Variants in PLAT observed in about 807,000 individuals in gnomAD.
PLAT encodes plasminogen activator, tissue type.
A neutral mutation model predicts 74.9 loss-of-function variants in PLAT; 48 were observed. The ratio of observed to expected loss-of-function variants is 0.64; its 90% CI spans 0.51 to 0.82. PLAT has a LOEUF of 0.82. Among genes scored for constraint, PLAT ranks in the 40% least tolerant of loss-of-function variants. PLAT has a pLI of 0.00. For missense variants in PLAT, 673 were observed against 736.2 expected (o/e 0.91, Z 0.99); for synonymous variants, 307 against 294.4 (o/e 1.04, Z -0.44).
chr8:42,174,719 A>G lies in PLAT; in HGVS notation c.*1274T>C, dbSNP rs192313560. Among the ~76,000 whole-genome samples, 234 of 152,198 alleles carry G rather than the reference A, an allele frequency of 1.5e-3. 1 individual carries two copies. Among genetic ancestry groups the G allele is most frequent in the Non-Finnish European group, 2.0e-3 (139 of 68,014 alleles). ...ATCTCCATGGCTCCTCGTTGCCTAC[A>G]GAAGTCAATTAAGTCCAAACTCAGT... On this transcript the variant is annotated 3_prime_UTR_variant, in exon 14 of 14. Transcript: ENST00000220809.
chr8:42,193,962 C>T (rs1429888534), intron 1 of PLAT, among the ~76,000 whole-genome samples: 1 of 151,332 alleles, frequency 6.6e-6, no homozygotes, highest in Non-Finnish European at 1.5e-5. Context: ...GATCCGCTCG[C>T]CTTGGCCTCC....
intron 13 of PLAT, among the ~76,000 whole-genome samples, chr8:42,177,433 CTATT>C (rs1805016606): frequency 6.6e-6 from 1 of 152,160 alleles, no homozygotes; most frequent in African/African-American, 2.4e-5. Flanking sequence ...TAGGCTGTAT[CTATT>C]CTGGTAAAGT....
Position 42,187,526 on chromosome 8 carries a change from G to T in PLAT, c.411C>A (p.Gly137=). ...CYEDQGISYR[G]TWSTAESGAE... ...CGCCACTCTCCGCTGTGCTCCACGT[G>T]CCCCTGTAGCTGATGCCCTGGTCCT... Residue 137 remains glycine (G), a synonymous_variant, in exon 6 of 14, where the codon GGC becomes GGA. Coordinates refer to ENST00000220809, the MANE Select transcript of PLAT (RefSeq NM_000930.5). The T allele has an allele frequency of 6.2e-7, 1 of 1,610,254 alleles. No individual in the cohort carries two copies. Among genetic ancestry groups the T allele is most frequent in the Non-Finnish European group, 8.5e-7 (1 of 1,178,324 alleles).
intron 1 of PLAT, among the ~76,000 whole-genome samples, chr8:42,194,183 T>C (rs1396966485): frequency 1.4e-5 from 2 of 145,068 alleles, no homozygotes; most frequent in Non-Finnish European, 3.0e-5. Context: ...TTCCCAGAGC[T>C]GGGACTTCAG....
At position 42,174,756 on chromosome 8, in the gene PLAT, AG is replaced by A. The variant is rs1250996106; in HGVS notation, c.*1236del. Among the ~76,000 whole-genome samples the A allele has an allele frequency of 2.6e-5, 4 of 152,078 alleles. No homozygotes were observed. The highest frequency in any genetic ancestry group is 2.6e-4 in the Admixed American group (4 of 15,274). The stretch of plus-strand genomic sequence containing the variant: ...AGTCCAAACTCAGTTTGGTGTTCAG[AG>A]CCCCCATAATCTAAATTCCAGCCTA... On this transcript the variant is annotated 3_prime_UTR_variant, in exon 14 of 14. Transcript: ENST00000220809.
At chr8:42,180,198 T>A in intron 11 of PLAT, 44 bp downstream of exon 11, 1 of 1,611,570 alleles carries the variant, frequency 6.2e-7, no homozygotes, top group Non-Finnish European at 8.5e-7. Flanking sequence ...GTGGGTGTGT[T>A]GTGTGATCTG....
intron 1 of PLAT, among the ~76,000 whole-genome samples, chr8:42,197,596 G>A (rs997112819): frequency 6.6e-6 from 1 of 152,128 alleles, no homozygotes; most frequent in Non-Finnish European, 1.5e-5. Flanking sequence ...GATGGTCGAT[G>A]GGCACCAGTG....
At chr8:42,183,889 T>C (rs955946480) in intron 7 of PLAT, among the ~76,000 whole-genome samples, 1 of 151,870 alleles carries the variant, frequency 6.6e-6, no homozygotes, top group African/African-American at 2.4e-5. Context: ...ATATATATCA[T>C]ATATAAATTT....
At chr8:42,194,853 G>A (rs553902674) in intron 1 of PLAT, among the ~76,000 whole-genome samples, 81 of 146,906 alleles carry the variant, frequency 5.5e-4, no homozygotes, top group South Asian at 8.5e-4. Context: ...CAGCAGATCC[G>A]GCAATGTGCA....
intron 1 of PLAT, among the ~76,000 whole-genome samples, chr8:42,204,086 GCCACTATCGGAAGA>G (rs1806245131): frequency 6.6e-6 from 1 of 151,352 alleles, no homozygotes; most frequent in African/African-American, 2.4e-5. Context: ...AGAAAACTGA[GCCACTATCGGAAGA>G]CCATGTGGCT....
Position 42,203,988 on chromosome 8 carries a change from T to TACACACACACAC in PLAT, c.-27+3505_-27+3506insGTGTGTGTGTGT, listed in dbSNP as rs1208295801. Among the ~76,000 whole-genome samples, 37 of 123,268 alleles carry TACACACACACAC rather than the reference T, an allele frequency of 3.0e-4. 1 individual carries two copies. The highest frequency in any genetic ancestry group is 1.7e-3 in the African/African-American group (36 of 20,960). The allele number at this position is 123,268 out of a possible 152,430, so 80.9% of individuals were successfully genotyped here. On this transcript the variant is annotated intron_variant, in intron 1 of 13. Coordinates refer to ENST00000220809, the MANE Select transcript of PLAT (RefSeq NM_000930.5). ...TCTAAATTATATATATATATATATA[T>TACACACACACAC]ATATACACACACACACACACACACA...
chr8:42,180,023 C>A lies in PLAT; in HGVS notation c.1266G>T (p.Glu422Asp), dbSNP rs540586282. ...LKSDSSRCAQ[E>D]SSVVRTVCLP... Reference sequence around the variant, plus strand: ...GGCACACAGTGCGGACCACGCTGCTCTCCTGGGCACAGCGGGACGAATCCG... The same window carrying A: ...GGCACACAGTGCGGACCACGCTGCTATCCTGGGCACAGCGGGACGAATCCG... The change falls in exon 12 of 14, where the codon GAG becomes GAT. Residue 422 changes from glutamate (E) to aspartate (D), a missense_variant. Transcript: ENST00000220809. 6.2e-7 allele frequency: 1 copy of A among 1,610,232 alleles called. No individual in the cohort carries two copies. Among genetic ancestry groups the A allele is most frequent in the Non-Finnish European group, 8.5e-7 (1 of 1,177,788 alleles).
chr8:42,196,550 G>A (rs1005702905), intron 1 of PLAT, among the ~76,000 whole-genome samples: 1 of 152,174 alleles, frequency 6.6e-6, no homozygotes. Flanking sequence ...TCCTTGTTTC[G>A]CCTTCGCTGA....
At chr8:42,201,608 TCG>T (rs1369040598) in intron 1 of PLAT, among the ~76,000 whole-genome samples, 2 of 152,234 alleles carry the variant, frequency 1.3e-5, no homozygotes, top group East Asian at 1.9e-4. Context: ...TCATCTGTGT[TCG>T]TAGAACAGTA....
chr8:42,183,787 G>A (rs1805342854), intron 7 of PLAT, among the ~76,000 whole-genome samples: 1 of 152,086 alleles, frequency 6.6e-6, no homozygotes, highest in Non-Finnish European at 1.5e-5. Context: ...ATGGGGGATG[G>A]GGAGGATATT....
chr8:42,179,861 TG>T, intron 12 of PLAT, 64 bp downstream of exon 12: 1 of 1,456,538 alleles, frequency 6.9e-7, no homozygotes, highest in Non-Finnish European at 9.2e-7. Flanking sequence ...CATTTTCCTC[TG>T]GTGGACCGCA....
chr8:42,197,530 T>A (rs1173840353), intron 1 of PLAT, among the ~76,000 whole-genome samples: 1 of 152,228 alleles, frequency 6.6e-6, no homozygotes, highest in Non-Finnish European at 1.5e-5. Flanking sequence ...GAGAAATTGA[T>A]GATCATGCCA....
At chr8:42,176,253 G>T in intron 13 of PLAT, 102 bp from the exon 14 acceptor site, 1 of 790,972 alleles carries the variant, frequency 1.3e-6, no homozygotes, top group Admixed American at 2.7e-5. Flanking sequence ...AATACAGCAG[G>T]CCCTTCAATA....
intron 4 of PLAT, 115 bp from the exon 5 acceptor site, chr8:42,188,131 A>C: frequency 1.6e-6 from 1 of 633,164 alleles, no homozygotes; most frequent in Non-Finnish European, 2.8e-6. Context: ...TGCAGCGTGG[A>C]ACACGCGTAT....
Sources: gnomAD v4.1 joint callset for allele counts (sites outside exome capture counted in the v4.1 genomes callset) on GRCh38, gnomAD v4.1.1 for gene constraint, MANE v1.5 for transcripts, NCBI Gene and HGNC (gene_info 2026-07-23, HGNC 2026-07-21) for gene names.